The following LRP1B variants were observed in gnomAD, a reference collection of about 807,000 sequenced individuals.
LRP1B encodes the protein LDL receptor related protein 1B.
In LRP1B, 217 loss-of-function variants were observed where a neutral mutation model predicts 556.6. The ratio of observed to expected loss-of-function variants is 0.39; its 90% CI spans 0.35 to 0.44. The LOEUF (loss-of-function observed/expected upper bound fraction) is 0.44, where lower values mean the gene tolerates loss of function less well. Among genes scored for constraint, LRP1B ranks in the 20% least tolerant of loss-of-function variants. The pLI is 1.00. For synonymous variants in LRP1B, 2,047 were observed against 1,865.8 expected (o/e 1.10, Z -2.50); for missense variants, 5,053 against 5,620.8 (o/e 0.90, Z 3.23).
chr2:141,331,076 T>C (rs1202981938), intron 3 of LRP1B, among the ~76,000 whole-genome samples: 2 of 152,160 alleles, frequency 1.3e-5, no homozygotes, highest in African/African-American at 4.8e-5. Flanking sequence ...TCTACCTAAC[T>C]ATATTCGTGG....
At chr2:142,068,079 C>T (rs1705173835) in intron 1 of LRP1B, among the ~76,000 whole-genome samples, 1 of 151,362 alleles carries the variant, frequency 6.6e-6, no homozygotes, top group Non-Finnish European at 1.5e-5. Flanking sequence ...CACTCTTGAC[C>T]AGTAGCTTCT....
chr2:141,051,186 A>T (rs536734016), intron 10 of LRP1B, among the ~76,000 whole-genome samples: 4 of 152,216 alleles, frequency 2.6e-5, no homozygotes, highest in Admixed American at 1.3e-4. Context: ...GTGGGAGTGT[A>T]AATTAGTTCA....
intron 18 of LRP1B, among the ~76,000 whole-genome samples, chr2:140,969,797 T>A (rs887650729): frequency 1.3e-5 from 2 of 152,174 alleles, no homozygotes; most frequent in African/African-American, 4.8e-5. Flanking sequence ...TTAGTTTGGC[T>A]GGATATGAAA....
At chr2:142,088,684 A>T (rs1395535329) in intron 1 of LRP1B, among the ~76,000 whole-genome samples, 1 of 152,146 alleles carries the variant, frequency 6.6e-6, no homozygotes, top group African/African-American at 2.4e-5. Flanking sequence ...TTCAATAGTT[A>T]CTGACTTATG....
At chr2:140,566,705 A>T (rs1313071805) in intron 43 of LRP1B, among the ~76,000 whole-genome samples, 1 of 152,158 alleles carries the variant, frequency 6.6e-6, no homozygotes, top group African/African-American at 2.4e-5. Flanking sequence ...CTAGCTTCTC[A>T]GGGAAACTGT....
intron 2 of LRP1B, among the ~76,000 whole-genome samples, chr2:141,747,066 G>C (rs1693943231): frequency 6.6e-6 from 1 of 152,090 alleles, no homozygotes; most frequent in Admixed American, 6.6e-5. Flanking sequence ...ATTTGTCCTT[G>C]GCACAGCTGA....
In LRP1B at chr2:140,922,903, T is replaced by G. The variant is rs1377551401; in HGVS notation, c.3319+62A>C. 5.6e-6 allele frequency: 8 copies of G among 1,439,634 alleles called. No individual in the cohort carries two copies. In the African/African-American group the frequency reaches 8.6e-5, roughly 15 times the overall value. 89.2% of individuals were successfully genotyped at this position (1,439,634 alleles called of 1,614,324 possible). ...ACAAAGGTGAGATACAGATTCAGCCTGAGCCAAAAGGACTCCACACTCAGG... is the reference window on the plus strand; with the variant it reads ...ACAAAGGTGAGATACAGATTCAGCCGGAGCCAAAAGGACTCCACACTCAGG... On this transcript the variant is annotated intron_variant, in intron 21 of 90. Coordinates refer to ENST00000389484, the MANE Select transcript of LRP1B (RefSeq NM_018557.3).
chr2:140,551,316 G>A (rs1680540497), intron 43 of LRP1B, among the ~76,000 whole-genome samples: 1 of 152,126 alleles, frequency 6.6e-6, no homozygotes, highest in Admixed American at 6.6e-5. Flanking sequence ...GATTGTCCTG[G>A]GAAAGGGAAG....
At chr2:141,161,163 A>G (rs971882970) in intron 7 of LRP1B, among the ~76,000 whole-genome samples, 2 of 152,090 alleles carry the variant, frequency 1.3e-5, no homozygotes, top group Non-Finnish European at 2.9e-5. Flanking sequence ...AATTTTTTAA[A>G]AAGTTTTCTC....
Position 140,324,994 on chromosome 2 carries a change from G to T in LRP1B, c.12340+768C>A, listed in dbSNP as rs146813680. ...TAACTTCCCTGTGTTATTAAAAAAAGGGAAGCAAAGCTATATTCAGTAAAT... is the reference window on the plus strand; with the variant it reads ...TAACTTCCCTGTGTTATTAAAAAAATGGAAGCAAAGCTATATTCAGTAAAT... On this transcript the variant is annotated intron_variant, in intron 80 of 90. Transcript: ENST00000389484. Among the ~76,000 whole-genome samples, 462 of 151,098 alleles carry T rather than the reference G, an allele frequency of 3.1e-3. 1 individual carries two copies. Among genetic ancestry groups the T allele is most frequent in the African/African-American group, 0.011 (442 of 41,180 alleles).
At chr2:140,448,307 CT>C (rs1362956575) in intron 63 of LRP1B, among the ~76,000 whole-genome samples, 1 of 152,106 alleles carries the variant, frequency 6.6e-6, no homozygotes, top group African/African-American at 2.4e-5. Context: ...TTTGCATTCA[CT>C]TGTTTGCTGC....
At chr2:141,176,818 C>T (rs1247520175) in intron 7 of LRP1B, among the ~76,000 whole-genome samples, 1 of 151,912 alleles carries the variant, frequency 6.6e-6, no homozygotes, top group Non-Finnish European at 1.5e-5. Flanking sequence ...TGACTCCACC[C>T]AATTTGAGAT....
rs1687116840 is a variant in LRP1B, at chr2:140,456,592, G to T, written c.9826C>A (p.Leu3276Ile). The change falls in exon 62 of 91, where the codon CTC becomes ATC. Residue 3276 changes from leucine (L) to isoleucine (I), a missense_variant. Transcript: ENST00000389484. ...CAACCACCATTATTTATCATGCAGA[G>T]ATGTTTGGAGACTAAAGATAAGAAA... ...SYRQPDVSKH[L>I]CMINNGGCSH... 1 of 1,608,096 alleles carries T rather than the reference G, an allele frequency of 6.2e-7. No homozygotes were observed. Among genetic ancestry groups the T allele is most frequent in the South Asian group, 1.1e-5 (1 of 89,982 alleles).
rs889941600 is a variant in LRP1B at position 142,090,807 on chromosome 2, A to G, written c.82+39841T>C. Among the ~76,000 whole-genome samples, 3 of 152,154 alleles carry G rather than the reference A, an allele frequency of 2.0e-5. No homozygotes were observed. In the East Asian group the frequency reaches 5.8e-4, roughly 29 times the overall value. ...CCTTTCCAGAATTTTAAGTGGATAT[A>G]TAGTTTCCAGGCTATTATTACAGTT... On this transcript the variant is annotated intron_variant, in intron 1 of 90. Transcript: ENST00000389484.
chr2:140,842,630 T>C (rs531674542), intron 29 of LRP1B, among the ~76,000 whole-genome samples: 117 of 152,184 alleles, frequency 7.7e-4, no homozygotes, highest in African/African-American at 2.6e-3. Flanking sequence ...ACAAAAGTAA[T>C]ATACCACCTC....
At chr2:142,051,461 G>A (rs1034740217) in intron 1 of LRP1B, among the ~76,000 whole-genome samples, 6 of 102,894 alleles carry the variant, frequency 5.8e-5, no homozygotes, top group Admixed American at 5.7e-4. Flanking sequence ...AATTAAAGGT[G>A]TGTTTTTTTG....
intron 60 of LRP1B, among the ~76,000 whole-genome samples, chr2:140,459,970 T>G (rs1227768281): frequency 6.6e-6 from 1 of 152,212 alleles, no homozygotes; most frequent in African/African-American, 2.4e-5. Flanking sequence ...CCATGTCTCC[T>G]GTACAGCCTA....
intron 7 of LRP1B, among the ~76,000 whole-genome samples, chr2:141,142,623 T>C (rs977511346): frequency 1.3e-5 from 2 of 152,140 alleles, no homozygotes; most frequent in African/African-American, 2.4e-5. Context: ...GAGTTGAGGC[T>C]TCAATGAACC....
chr2:140,412,408 ATATAT>A (rs748539716), intron 66 of LRP1B, among the ~76,000 whole-genome samples: 25 of 152,076 alleles, frequency 1.6e-4, no homozygotes, highest in Non-Finnish European at 3.1e-4. Flanking sequence ...AATGGACTAG[ATATAT>A]TATATTGTGG....
Sources: gnomAD v4.1 joint callset for allele counts (sites outside exome capture counted in the v4.1 genomes callset) on GRCh38, gnomAD v4.1.1 for gene constraint, MANE v1.5 for transcripts, NCBI Gene and HGNC (gene_info 2026-07-23, HGNC 2026-07-21) for gene names.